PRKG1: variants seen among roughly 807,000 people sequenced by gnomAD.
PRKG1 encodes the protein protein kinase cGMP-dependent 1.
In PRKG1, 35 loss-of-function variants were observed where a neutral mutation model predicts 88.1. The observed-to-expected ratio is 0.40, with a 90% CI of 0.30 to 0.53. The LOEUF (loss-of-function observed/expected upper bound fraction) is 0.53, where lower values mean the gene tolerates loss of function less well. Ranked by LOEUF, PRKG1 falls within the 20% of genes least tolerant of loss-of-function variation. The pLI is 0.59. For synonymous variants in PRKG1, 303 were observed against 292.5 expected, an observed-to-expected ratio of 1.04 and a Z score of -0.37; for missense variants, 540 against 839.8, an observed-to-expected ratio of 0.64 and a Z score of 4.41.
chr10:51,126,476 T>C (rs1407105410), intron 1 of PRKG1, among the ~76,000 whole-genome samples: 1 of 144,050 alleles, frequency 6.9e-6, no homozygotes, highest in African/African-American at 2.5e-5. Context: ...TATAATTATA[T>C]AATCTATTTA....
At chr10:51,919,446 T>C (rs1842415121) in intron 5 of PRKG1, among the ~76,000 whole-genome samples, 1 of 152,170 alleles carries the variant, frequency 6.6e-6, no homozygotes, top group South Asian at 2.1e-4. Context: ...CATTCTTTTT[T>C]ATTACTTACA....
intron 3 of PRKG1, among the ~76,000 whole-genome samples, chr10:51,732,112 T>A (rs188304278): frequency 2.0e-5 from 3 of 150,754 alleles, no homozygotes; most frequent in East Asian, 3.9e-4. Flanking sequence ...CAGGCTGGAG[T>A]GCAGTGACAC....
intron 2 of PRKG1, among the ~76,000 whole-genome samples, chr10:51,393,295 G>T (rs1292137952): frequency 6.6e-6 from 1 of 151,610 alleles, no homozygotes; most frequent in African/African-American, 2.4e-5. Context: ...TCACTTCCCA[G>T]ATGGGATGGC....
chr10:51,024,330 A>G (rs1843173584), intron 1 of PRKG1, among the ~76,000 whole-genome samples: 2 of 152,142 alleles, frequency 1.3e-5, no homozygotes, highest in African/African-American at 4.8e-5. Flanking sequence ...GACAATGTAG[A>G]CAGAACAGAT....
At position 51,589,065 on chromosome 10, in the gene PRKG1, C is replaced by T. The variant is rs143938531; in HGVS notation, c.592+121229C>T. On this transcript the variant is annotated intron_variant, in intron 3 of 17. Coordinates refer to ENST00000373980, the MANE Select transcript of PRKG1 (RefSeq NM_006258.4). Reference sequence around the variant, plus strand: ...ATGAGCTGTTGTTTTGTCTCGAAACCATTCCCTGTCATTAGACAGGCTATA... The same window carrying T: ...ATGAGCTGTTGTTTTGTCTCGAAACTATTCCCTGTCATTAGACAGGCTATA... Among the ~76,000 whole-genome samples, 672 of 152,152 alleles carry T rather than the reference C, an allele frequency of 4.4e-3. 3 individuals are homozygous for T. Among genetic ancestry groups the T allele is most frequent in the African/African-American group, 0.015 (637 of 41,504 alleles).
chr10:52,062,893 C>T lies in PRKG1; in HGVS notation c.935+262C>T, dbSNP rs17560996. 0.042 allele frequency: 29,024 copies of T among 691,000 alleles called. 768 individuals are homozygous for T. The highest frequency in any genetic ancestry group is 0.054 in the Non-Finnish European group (20,404 of 376,186). The allele number at this position is 691,000 out of a possible 1,614,324, so 42.8% of individuals were successfully genotyped here. On this transcript the variant is annotated intron_variant, in intron 7 of 17. Coordinates refer to ENST00000373980, the MANE Select transcript of PRKG1 (RefSeq NM_006258.4). ...ATTTTCAGGTTTGTGTCCTTAATTGCAATCTCTATAACAACTTCAAAGAGA... is the reference window on the plus strand; with the variant it reads ...ATTTTCAGGTTTGTGTCCTTAATTGTAATCTCTATAACAACTTCAAAGAGA...
At chr10:51,641,327 A>G (rs1839795203) in intron 3 of PRKG1, among the ~76,000 whole-genome samples, 1 of 152,134 alleles carries the variant, frequency 6.6e-6, no homozygotes, top group Non-Finnish European at 1.5e-5. Flanking sequence ...TGCAAATCCT[A>G]TGGGCCATTG....
At chr10:51,905,005 G>A (rs1363988091) in intron 4 of PRKG1, among the ~76,000 whole-genome samples, 3 of 152,126 alleles carry the variant, frequency 2.0e-5, no homozygotes, top group Non-Finnish European at 4.4e-5. Flanking sequence ...ATAATAAAAT[G>A]AGAAAAACTC....
chr10:51,961,647 G>C (rs1361306063), intron 5 of PRKG1, among the ~76,000 whole-genome samples: 1 of 152,168 alleles, frequency 6.6e-6, no homozygotes, highest in Non-Finnish European at 1.5e-5. Context: ...CATGGTGATT[G>C]TTATTTGTTT....
chr10:52,030,397 T>C (rs1328606127), intron 5 of PRKG1, among the ~76,000 whole-genome samples: 1 of 152,204 alleles, frequency 6.6e-6, no homozygotes, highest in African/African-American at 2.4e-5. Flanking sequence ...CAAAGCACTT[T>C]TATTTTAAAA....
intron 3 of PRKG1, among the ~76,000 whole-genome samples, chr10:51,636,817 G>A (rs1839667773): frequency 6.6e-6 from 1 of 152,110 alleles, no homozygotes; most frequent in South Asian, 2.1e-4. Context: ...ATTTTCACCT[G>A]TATCAAATTC....
intron 3 of PRKG1, among the ~76,000 whole-genome samples, chr10:51,500,293 A>G (rs12772194): frequency 0.16 from 24,005 of 152,176 alleles, 2,258 homozygotes; most frequent in Non-Finnish European, 0.22. Flanking sequence ...TGGCAGTTTA[A>G]CAATACTTCC....
At chr10:51,659,131 G>A (rs1564593982) in intron 3 of PRKG1, among the ~76,000 whole-genome samples, 1 of 152,090 alleles carries the variant, frequency 6.6e-6, no homozygotes, top group Non-Finnish European at 1.5e-5. Context: ...AGGCAAAGGT[G>A]TTTGTTTTAT....
chr10:51,595,541 A>T (rs1838422433), intron 3 of PRKG1, among the ~76,000 whole-genome samples: 2 of 148,898 alleles, frequency 1.3e-5, no homozygotes, highest in African/African-American at 5.2e-5. Context: ...GAGGCAGGAG[A>T]ATCGCTTGAA....
At chr10:51,293,023 A>T (rs1840624828) in intron 2 of PRKG1, among the ~76,000 whole-genome samples, 1 of 152,146 alleles carries the variant, frequency 6.6e-6, no homozygotes, top group Non-Finnish European at 1.5e-5. Context: ...GGTTGGTTAC[A>T]TATTTGCTCT....
intron 1 of PRKG1, among the ~76,000 whole-genome samples, chr10:51,135,434 G>A (rs1192674490): frequency 6.6e-6 from 1 of 152,160 alleles, no homozygotes; most frequent in Admixed American, 6.5e-5. Flanking sequence ...GTCAATGTAA[G>A]AATGATGGAC....
At chr10:52,011,476 C>T (rs1564428201) in intron 5 of PRKG1, among the ~76,000 whole-genome samples, 1 of 152,106 alleles carries the variant, frequency 6.6e-6, no homozygotes. Context: ...CCTCCGCCTC[C>T]TTTTTTTGGT....
At chr10:51,473,957 T>G (rs1011370668) in intron 3 of PRKG1, among the ~76,000 whole-genome samples, 2 of 151,948 alleles carry the variant, frequency 1.3e-5, no homozygotes, top group Non-Finnish European at 2.9e-5. Context: ...AAAAGTAAAC[T>G]AGTAACATAG....
chr10:50,997,182 T>A (rs1403818221), intron 1 of PRKG1, among the ~76,000 whole-genome samples: 2 of 152,350 alleles, frequency 1.3e-5, no homozygotes, highest in South Asian at 2.1e-4. Context: ...TTTGTTTTTT[T>A]ATTTTGCATC....
Sources: gnomAD v4.1 joint callset for allele counts (sites outside exome capture counted in the v4.1 genomes callset) on GRCh38, gnomAD v4.1.1 for gene constraint, MANE v1.5 for transcripts, NCBI Gene and HGNC (gene_info 2026-07-23, HGNC 2026-07-21) for gene names.